The following FAM53C variants were observed in gnomAD, a reference collection of about 807,000 sequenced individuals.
The protein encoded by FAM53C is family with sequence similarity 53 member C, also known as protein FAM53C.
In FAM53C, 10 loss-of-function variants were observed where a neutral mutation model predicts 34.7. That is an observed-to-expected ratio of 0.29 (90% CI 0.18 to 0.49). The LOEUF is 0.49. Among genes scored for constraint, FAM53C ranks in the 20% least tolerant of loss-of-function variants. The pLI is 0.99. For missense variants in FAM53C, 442 were observed against 515.3 expected (o/e 0.86, Z 1.38); for synonymous variants, 203 against 203.6 (o/e 1.00, Z 0.03).
chr5:138,338,305 G>A lies in FAM53C; in HGVS notation c.-155G>A. The A allele has an allele frequency of 1.7e-6, 1 of 590,230 alleles. No homozygotes were observed. Among genetic ancestry groups the A allele is most frequent in the Non-Finnish European group, 2.8e-6 (1 of 352,688 alleles). The allele number at this position is 590,230 out of a possible 1,614,324, so 36.6% of individuals were successfully genotyped here. Reference sequence around the variant, plus strand: ...CGCGGCCCTGGGAGCTGGAGGAACCGCGGTAGGTGGTGGAGGGCAGGTGGC... The same window carrying A: ...CGCGGCCCTGGGAGCTGGAGGAACCACGGTAGGTGGTGGAGGGCAGGTGGC... On this transcript the variant is annotated splice_region_variant and 5_prime_UTR_variant, in exon 1 of 5. Coordinates refer to ENST00000239906, the MANE Select transcript of FAM53C (RefSeq NM_016605.3).
In FAM53C at chr5:138,338,287, C is replaced by G. The variant is rs781072438; in HGVS notation, c.-173C>G. On this transcript the variant is annotated 5_prime_UTR_variant, in exon 1 of 5. Transcript: ENST00000239906. Reference sequence around the variant, plus strand: ...GCTCAGAGCTGCTCCGGCCGCGGCCCTGGGAGCTGGAGGAACCGCGGTAGG... The same window carrying G: ...GCTCAGAGCTGCTCCGGCCGCGGCCGTGGGAGCTGGAGGAACCGCGGTAGG... 2 of 818,320 alleles carry G rather than the reference C, an allele frequency of 2.4e-6. No individual in the cohort carries two copies. The highest frequency in any genetic ancestry group is 2.4e-5 in the Admixed American group (1 of 42,426). 50.7% of individuals were successfully genotyped at this position (818,320 alleles called of 1,614,324 possible).
Position 138,347,224 on chromosome 5 carries a change from C to G in FAM53C, c.*265C>G. On this transcript the variant is annotated 3_prime_UTR_variant, in exon 5 of 5. Coordinates refer to ENST00000239906, the MANE Select transcript of FAM53C (RefSeq NM_016605.3). Reference sequence around the variant, plus strand: ...GCCCTGAGTGTGAGTATCCCTGCCACCAAGAGAGCAATGGGCAGGGAAGGA... The same window carrying G: ...GCCCTGAGTGTGAGTATCCCTGCCAGCAAGAGAGCAATGGGCAGGGAAGGA... The G allele has an allele frequency of 2.0e-6, 1 of 501,576 alleles. No homozygotes were observed. Among genetic ancestry groups the G allele is most frequent in the South Asian group, 2.3e-5 (1 of 44,214 alleles). The allele number at this position is 501,576 out of a possible 1,614,324, so 31.1% of individuals were successfully genotyped here.
In FAM53C at chr5:138,344,949, C is replaced by A. The variant is rs763536768; in HGVS notation, c.261C>A (p.Pro87=). The change falls in exon 4 of 5, where the codon CCC becomes CCA. Residue 87 remains proline, a synonymous_variant. Transcript: ENST00000239906. ...HLRPPSRGNS[P]KEQPFSQVLR... is the part of the protein sequence containing the mutation. ...GACCACCCAGTCGGGGAAACTCCCC[C>A]AAGGAGCAGCCCTTCTCCCAAGTCC... 4.3e-6 allele frequency: 7 copies of A among 1,614,028 alleles called. No homozygotes were observed. In the Admixed American group the frequency reaches 1.0e-4, roughly 23 times the overall value.
At chr5:138,340,891 C>T (rs560335413) in intron 1 of FAM53C, among the ~76,000 whole-genome samples, 1 of 152,362 alleles carries the variant, frequency 6.6e-6, no homozygotes, top group South Asian at 2.1e-4. Flanking sequence ...CTCACTTGAG[C>T]AGCTGTTTTC....
At chr5:138,341,700 C>T (rs1761037884) in intron 2 of FAM53C, 109 bp from the exon 3 acceptor site, 12 of 990,530 alleles carry the variant, frequency 1.2e-5, no homozygotes, top group South Asian at 7.9e-5. Flanking sequence ...CTTAATGTCC[C>T]TAACATCCCT....
In FAM53C at chr5:138,345,996, T is replaced by C. The variant is rs1237362087; in HGVS notation, c.921+387T>C. ...TTTTTGCCACTTGCCTGTCACTGCT[T>C]CAAAGTGGGTCTGTGAGGGCTGAAG... On this transcript the variant is annotated intron_variant, in intron 4 of 4. Coordinates refer to ENST00000239906, the MANE Select transcript of FAM53C (RefSeq NM_016605.3). This position sits in a 1 kb window ranked among gnomAD's most constrained non-coding sequence, Gnocchi z 6.3. Among the ~76,000 whole-genome samples the C allele has an allele frequency of 1.3e-5, 2 of 152,212 alleles. No individual in the cohort carries two copies. The highest frequency in any genetic ancestry group is 2.9e-5 in the Non-Finnish European group (2 of 68,028).
intron 1 of FAM53C, among the ~76,000 whole-genome samples, chr5:138,339,736 T>C (rs1163086866): frequency 2.6e-5 from 4 of 152,232 alleles, no homozygotes; most frequent in Non-Finnish European, 4.4e-5. Context: ...CCCCGGAAGC[T>C]AGAATTTTGT....
intron 1 of FAM53C, among the ~76,000 whole-genome samples, chr5:138,339,675 T>G (rs1284463311): frequency 6.6e-6 from 1 of 152,310 alleles, no homozygotes; most frequent in African/African-American, 2.4e-5. Flanking sequence ...AGAAGTGATA[T>G]AAGCTTTAGC....
rs11557203 is a variant in FAM53C at position 138,349,198 on chromosome 5, T to A, written c.*2239T>A. ...TTCATTTTGCTTTACACAGTAGATC[T>A]GTTCCAACAGTTCTGTGTAAACCAA... is the stretch of plus-strand genomic sequence containing the variant. On this transcript the variant is annotated 3_prime_UTR_variant, in exon 5 of 5. Transcript: ENST00000239906. 1 of 152,712 alleles carries A rather than the reference T, an allele frequency of 6.5e-6. No homozygotes were observed. The highest frequency in any genetic ancestry group is 2.4e-5 in the African/African-American group (1 of 41,476). The allele number at this position is 152,712 out of a possible 1,614,324, so 9.5% of individuals were successfully genotyped here.
Position 138,345,469 on chromosome 5 carries a change from C to A in FAM53C, c.781C>A (p.Arg261=), listed in dbSNP as rs1417380564. Residue 261 remains arginine, a synonymous_variant, in exon 4 of 5, where the codon CGA becomes AGA. Transcript: ENST00000239906. This position sits in a 1 kb window ranked among gnomAD's most constrained non-coding sequence, Gnocchi z 6.3. Reference sequence around the variant, plus strand: ...CGCATCCTCCCCAGAGCTGCCCTGGCGACCTCGAGGTCTCCGCAACCTTCC... The same window carrying A: ...CGCATCCTCCCCAGAGCTGCCCTGGAGACCTCGAGGTCTCCGCAACCTTCC... The part of the protein sequence containing the change: ...SPASSPELPW[R]PRGLRNLPRS... The A allele has an allele frequency of 6.2e-6, 10 of 1,613,924 alleles. No homozygotes were observed. The highest frequency in any genetic ancestry group is 7.6e-6 in the Non-Finnish European group (9 of 1,180,048).
At chr5:138,340,789 G>GT (rs1318676743) in intron 1 of FAM53C, among the ~76,000 whole-genome samples, 2 of 152,166 alleles carry the variant, frequency 1.3e-5, no homozygotes, top group Non-Finnish European at 2.9e-5. Flanking sequence ...TATTTCTGTA[G>GT]TTTAGGAGAA....
In FAM53C at chr5:138,345,215, C is replaced by G; in HGVS notation, c.527C>G (p.Pro176Arg). The G allele has an allele frequency of 6.2e-7, 1 of 1,614,214 alleles. No individual in the cohort carries two copies. The highest frequency in any genetic ancestry group is 8.5e-7 in the Non-Finnish European group (1 of 1,180,038). ...TCCAGCCTCAGGTTCCTCCAAGCTC[C>G]CAGTGCCTCTTCTCAATGTGCCCCA... ...RVSSLRFLQAPSASSQCAPAH... is the reference protein window; with the variant it reads ...RVSSLRFLQARSASSQCAPAH... Residue 176 changes from proline to arginine, a missense_variant, in exon 4 of 5, where the codon CCC (proline) becomes CGC (arginine). Transcript: ENST00000239906. The surrounding 1 kb of genome is among the most constrained non-coding windows in gnomAD (Gnocchi z 6.3).
rs552735691 is a variant in FAM53C, at chr5:138,346,353, T to C, written c.922-349T>C. 8.1e-4 allele frequency among the ~76,000 whole-genome samples: 123 copies of C among 152,312 alleles called. 1 individual carries two copies. Among genetic ancestry groups the C allele is most frequent in the Admixed American group, 1.8e-3 (27 of 15,298 alleles). On this transcript the variant is annotated intron_variant, in intron 4 of 4. Coordinates refer to ENST00000239906, the MANE Select transcript of FAM53C (RefSeq NM_016605.3). ...TCAGAAAGTTTACAAACGCCAGGCA[T>C]GGTGGCTAACGCCTGTAATCCCAGC...
At chr5:138,341,911 C>A in intron 3 of FAM53C, 45 bp downstream of exon 3, 1 of 1,577,292 alleles carries the variant, frequency 6.3e-7, no homozygotes, top group Non-Finnish European at 8.7e-7. Flanking sequence ...ACCCATTCCT[C>A]TCTCCACACA....
At position 138,347,135 on chromosome 5, in the gene FAM53C, C is replaced by T. The variant is rs1285619777; in HGVS notation, c.*176C>T. On this transcript the variant is annotated 3_prime_UTR_variant, in exon 5 of 5. Coordinates refer to ENST00000239906, the MANE Select transcript of FAM53C (RefSeq NM_016605.3). ...AGCTCGACCATGCCAAGAGACTGGC[C>T]GGGACAAGATAAACGGAGCTGGTGG... The T allele has an allele frequency of 5.7e-6, 5 of 881,786 alleles. No individual in the cohort carries two copies. Among genetic ancestry groups the T allele is most frequent in the South Asian group, 5.0e-5 (3 of 59,524 alleles). 54.6% of individuals were successfully genotyped at this position (881,786 alleles called of 1,614,324 possible). A position where few individuals can be genotyped will look rare whatever the true frequency, so the allele number is the denominator to read the frequency against.
rs1435921216 is a variant in FAM53C at position 138,345,304 on chromosome 5, T to C, written c.616T>C (p.Cys206Arg). 2.5e-6 allele frequency: 4 copies of C among 1,614,148 alleles called. No homozygotes were observed. Among genetic ancestry groups the C allele is most frequent in the Non-Finnish European group, 1.7e-6 (2 of 1,180,022 alleles). Residue 206 changes from cysteine to arginine, a missense_variant, in exon 4 of 5, where the codon TGC becomes CGC. Transcript: ENST00000239906. The surrounding 1 kb of genome is among the most constrained non-coding windows in gnomAD (Gnocchi z 6.3). ...CCTGGCCCAAGATTCCTCTCGACCC[T>C]GCGCCGCCTCCCCTCAAAGTGGCTC... Reference protein sequence around the residue: ...LALAQDSSRPCAASPQSGSWE... With the variant: ...LALAQDSSRPRAASPQSGSWE...
intron 3 of FAM53C, 117 bp from the exon 4 acceptor site, chr5:138,344,708 C>A: frequency 1.2e-6 from 1 of 820,550 alleles, no homozygotes; most frequent in African/African-American, 1.7e-5. Flanking sequence ...TACTACCTAC[C>A]TCATAAGGTT....
In FAM53C at chr5:138,345,312, C is replaced by T. The variant is rs779668080; in HGVS notation, c.624C>T (p.Ala208=). 8.1e-6 allele frequency: 13 copies of T among 1,614,238 alleles called. No individual in the cohort carries two copies. Among genetic ancestry groups the T allele is most frequent in the Middle Eastern group, 1.6e-4 (1 of 6,062 alleles). The change falls in exon 4 of 5, where the codon GCC becomes GCT. Residue 208 remains alanine (A), a synonymous_variant. Coordinates refer to ENST00000239906, the MANE Select transcript of FAM53C (RefSeq NM_016605.3). The surrounding 1 kb of genome is among the most constrained non-coding windows in gnomAD (Gnocchi z 6.3). ...LAQDSSRPCA[A]SPQSGSWESD... is the part of the protein sequence containing the mutation. ...AAGATTCCTCTCGACCCTGCGCCGC[C>T]TCCCCTCAAAGTGGCTCCTGGGAGA...
intron 3 of FAM53C, among the ~76,000 whole-genome samples, chr5:138,343,438 A>G (rs952247147): frequency 6.6e-6 from 1 of 151,234 alleles, no homozygotes; most frequent in Non-Finnish European, 1.5e-5. Flanking sequence ...GGAATCCAGG[A>G]GGCGGAGGTT....
Sources: allele counts gnomAD v4.1 joint callset (sites outside exome capture counted in the v4.1 genomes callset), GRCh38; gene constraint gnomAD v4.1.1; non-coding constraint Gnocchi (gnomAD v3.1); transcripts MANE v1.5; gene names NCBI Gene and HGNC (gene_info 2026-07-23, HGNC 2026-07-21).